Variants in LRRC4C observed in about 807,000 individuals in gnomAD.
The protein encoded by LRRC4C is leucine rich repeat containing 4C.
Under a neutral mutation model 33.6 loss-of-function variants are expected in LRRC4C, and 5 were observed. The ratio of observed to expected loss-of-function variants is 0.15; its 90% CI spans 0.08 to 0.31. The LOEUF is 0.31. LRRC4C is among the 10% of genes least tolerant of loss of function. The pLI, the probability that LRRC4C is intolerant of heterozygous loss-of-function variation, is 1.00. For synonymous variants in LRRC4C, 329 were observed against 302.0 expected (o/e 1.09, Z -0.93); for missense variants, 560 against 796.7 (o/e 0.70, Z 3.58).
chr11:40,957,300 G>A (rs1959000210), intron 1 of LRRC4C, among the ~76,000 whole-genome samples: 1 of 151,756 alleles, frequency 6.6e-6, no homozygotes, highest in African/African-American at 2.4e-5. Flanking sequence ...AGGCGGGCTA[G>A]TATCACAGGT....
At chr11:41,022,943 T>C (rs186798526) in intron 1 of LRRC4C, among the ~76,000 whole-genome samples, 266 of 152,064 alleles carry the variant, frequency 1.7e-3, no homozygotes, top group African/African-American at 6.3e-3. Flanking sequence ...TTAGTGCCAG[T>C]GCACTTTCTC....
chr11:40,858,319 T>C (rs1053905402), intron 2 of LRRC4C, among the ~76,000 whole-genome samples: 1 of 152,168 alleles, frequency 6.6e-6, no homozygotes, highest in African/African-American at 2.4e-5. Context: ...AGCTTGGTTG[T>C]TTCTTTTTTT....
intron 3 of LRRC4C, among the ~76,000 whole-genome samples, chr11:40,343,761 T>C (rs12574722): frequency 0.013 from 1,576 of 123,396 alleles, 27 homozygotes; most frequent in East Asian, 0.066. Context: ...GCTAGCCTAA[T>C]AAAGAACAAA....
chr11:41,026,469 C>A (rs1297889158), intron 1 of LRRC4C, among the ~76,000 whole-genome samples: 1 of 151,472 alleles, frequency 6.6e-6, no homozygotes, highest in African/African-American at 2.4e-5. Context: ...AAGGTGATTT[C>A]TTGAGATTTA....
intron 3 of LRRC4C, among the ~76,000 whole-genome samples, chr11:40,384,465 A>G (rs1949026170): frequency 6.6e-6 from 1 of 152,170 alleles, no homozygotes; most frequent in East Asian, 1.9e-4. Flanking sequence ...AGGTGAATAA[A>G]TGAGTTTAGA....
chr11:41,431,376 A>C (rs958701504), intron 1 of LRRC4C, among the ~76,000 whole-genome samples: 1 of 151,856 alleles, frequency 6.6e-6, no homozygotes, highest in Non-Finnish European at 1.5e-5. Context: ...AGAGATGGAG[A>C]AAGAGATCTT....
chr11:40,919,239 T>G (rs1957079320), intron 2 of LRRC4C, among the ~76,000 whole-genome samples: 1 of 152,154 alleles, frequency 6.6e-6, no homozygotes, highest in Admixed American at 6.6e-5. Context: ...GGATTCCAGC[T>G]GTATCACAGT....
intron 4 of LRRC4C, among the ~76,000 whole-genome samples, chr11:40,318,122 C>T (rs945798764): frequency 1.3e-5 from 2 of 152,132 alleles, no homozygotes; most frequent in Middle Eastern, 3.4e-3. Context: ...CTCGTCTATG[C>T]CAAATAATAT....
At chr11:40,922,830 T>C (rs542828121) in intron 2 of LRRC4C, among the ~76,000 whole-genome samples, 1 of 152,300 alleles carries the variant, frequency 6.6e-6, no homozygotes, top group South Asian at 2.1e-4. Flanking sequence ...TAAAATGTGA[T>C]ACTTTTTTTT....
chr11:40,161,850 G>A (rs1476496795), intron 5 of LRRC4C, among the ~76,000 whole-genome samples: 1 of 152,192 alleles, frequency 6.6e-6, no homozygotes, highest in African/African-American at 2.4e-5. Context: ...ACAGAATCTA[G>A]GAGAATGAAA....
chr11:40,650,773 A>G (rs1222460603), intron 2 of LRRC4C, among the ~76,000 whole-genome samples: 1 of 152,134 alleles, frequency 6.6e-6, no homozygotes, highest in Non-Finnish European at 1.5e-5. Context: ...ACTCTCTTAT[A>G]TTAACTTGTT....
chr11:41,352,456 T>A (rs1354859036), intron 1 of LRRC4C, among the ~76,000 whole-genome samples: 2 of 152,064 alleles, frequency 1.3e-5, no homozygotes, highest in Non-Finnish European at 2.9e-5. Flanking sequence ...GTTTGACAGA[T>A]CATCAATGGA....
intron 1 of LRRC4C, among the ~76,000 whole-genome samples, chr11:41,172,736 C>T (rs1945030401): frequency 6.6e-6 from 1 of 152,114 alleles, no homozygotes; most frequent in Non-Finnish European, 1.5e-5. Context: ...ATTCCTTGCA[C>T]TTAACACAAT....
chr11:40,947,389 G>A (rs963019309), intron 1 of LRRC4C, among the ~76,000 whole-genome samples: 2 of 152,068 alleles, frequency 1.3e-5, no homozygotes, highest in Non-Finnish European at 2.9e-5. Context: ...ATCCTTTCAG[G>A]TCTTGCTTTT....
rs370574515 is a variant in LRRC4C, at chr11:41,411,142, A to ATTTTTTTTTTTTTTTTTTTTTT, written c.-496+48267_-496+48288dup. ...ATGAGAAACACTTGGTTGGTACCCT[A>ATTTTTTTTTTTTTTTTTTTTTT]TTTTTTTTTTTTTTTTTTTTTTTTG... is the stretch of plus-strand genomic sequence containing the variant. On this transcript the variant is annotated intron_variant, in intron 1 of 6. Transcript: ENST00000528697. Among the ~76,000 whole-genome samples, 55 of 57,226 alleles carry ATTTTTTTTTTTTTTTTTTTTTT rather than the reference A, an allele frequency of 9.6e-4. 7 individuals are homozygous for ATTTTTTTTTTTTTTTTTTTTTT. Among genetic ancestry groups the ATTTTTTTTTTTTTTTTTTTTTT allele is most frequent in the African/African-American group, 3.5e-3 (30 of 8,602 alleles). 37.5% of individuals were successfully genotyped at this position (57,226 alleles called of 152,430 possible).
At chr11:40,317,966 C>T (rs1945660098) in intron 4 of LRRC4C, among the ~76,000 whole-genome samples, 1 of 151,990 alleles carries the variant, frequency 6.6e-6, no homozygotes, top group Admixed American at 6.5e-5. Flanking sequence ...TACATGTAAC[C>T]ATACATTTAA....
rs149541249 is a variant in LRRC4C at position 41,144,434 on chromosome 11, A to T, written c.-495-210711T>A. On this transcript the variant is annotated intron_variant, in intron 1 of 6. Coordinates refer to ENST00000528697, the MANE Select transcript of LRRC4C (RefSeq NM_001258419.2). Reference sequence around the variant, plus strand: ...TTGAAGCTGTAAGAAAAAATATTCCAGTTTGTTTGCTTAAAAACATACAAA... The same window carrying T: ...TTGAAGCTGTAAGAAAAAATATTCCTGTTTGTTTGCTTAAAAACATACAAA... 3.3e-3 allele frequency among the ~76,000 whole-genome samples: 510 copies of T among 152,336 alleles called. 2 individuals are homozygous for T. Among genetic ancestry groups the T allele is most frequent in the African/African-American group, 0.012 (487 of 41,590 alleles).
At chr11:41,046,029 C>T (rs1857753932) in intron 1 of LRRC4C, among the ~76,000 whole-genome samples, 2 of 152,034 alleles carry the variant, frequency 1.3e-5, no homozygotes, top group African/African-American at 4.8e-5. Context: ...AAGAAAAAGA[C>T]AAAGAAATTT....
intron 4 of LRRC4C, among the ~76,000 whole-genome samples, chr11:40,266,413 G>T (rs1266908765): frequency 6.6e-6 from 1 of 152,170 alleles, no homozygotes; most frequent in African/African-American, 2.4e-5. Context: ...GCTGCAGTGA[G>T]TCTTGATTGT....
Sources: gnomAD v4.1 joint callset for allele counts (sites outside exome capture counted in the v4.1 genomes callset) on GRCh38, gnomAD v4.1.1 for gene constraint, MANE v1.5 for transcripts, NCBI Gene and HGNC (gene_info 2026-07-23, HGNC 2026-07-21) for gene names.